PPARGC1A: variants seen among roughly 807,000 people sequenced by gnomAD.
PPARGC1A encodes the protein PPARG coactivator 1 alpha.
In PPARGC1A, 25 loss-of-function variants were observed where a neutral mutation model predicts 88.7. The ratio of observed to expected loss-of-function variants is 0.28; its 90% CI spans 0.21 to 0.39. PPARGC1A has a LOEUF of 0.39. Among genes scored for constraint, PPARGC1A ranks in the 10% least tolerant of loss-of-function variants. The pLI, the probability that PPARGC1A is intolerant of heterozygous loss-of-function variation, is 1.00. For synonymous variants in PPARGC1A, 363 were observed against 355.6 expected (o/e 1.02, Z -0.24); for missense variants, 880 against 968.7 (o/e 0.91, Z 1.22).
the PPARGC1A span, among the ~76,000 whole-genome samples, chr4:24,351,620 G>A: frequency 2.6e-5 from 4 of 151,864 alleles, no homozygotes; most frequent in Non-Finnish European, 2.9e-5. Flanking sequence ...CAAAAATAAG[G>A]CCAAATATAA....
the PPARGC1A span, among the ~76,000 whole-genome samples, chr4:24,109,671 T>C: frequency 6.6e-6 from 1 of 152,342 alleles, no homozygotes; most frequent in Admixed American, 6.5e-5. Flanking sequence ...GTTCAATTAT[T>C]GATCCCTACA....
At chr4:23,874,731 C>T (rs930848272) in intron 2 of PPARGC1A, among the ~76,000 whole-genome samples, 6 of 152,166 alleles carry the variant, frequency 3.9e-5, no homozygotes, top group Non-Finnish European at 7.3e-5. Context: ...TGATCAGGTG[C>T]CTGAGAACAG....
the PPARGC1A span, among the ~76,000 whole-genome samples, chr4:23,991,235 G>C: frequency 6.6e-6 from 1 of 152,046 alleles, no homozygotes; most frequent in Non-Finnish European, 1.5e-5. Flanking sequence ...TTGTGGTTTT[G>C]AGAAGGGATG....
chr4:23,967,289 G>A, the PPARGC1A span, among the ~76,000 whole-genome samples: 6 of 152,066 alleles, frequency 3.9e-5, no homozygotes, highest in African/African-American at 9.7e-5. Flanking sequence ...GAAAACCCAC[G>A]CCACCATGCG....
chr4:23,899,494 T>G (rs1262990516), upstream of PPARGC1A, among the ~76,000 whole-genome samples: 1 of 152,210 alleles, frequency 6.6e-6, no homozygotes, highest in Non-Finnish European at 1.5e-5. Context: ...ATTTAAATAT[T>G]AATTAATGTG....
chr4:23,987,147 A>C, the PPARGC1A span, among the ~76,000 whole-genome samples: 1 of 152,008 alleles, frequency 6.6e-6, no homozygotes, highest in Non-Finnish European at 1.5e-5. Flanking sequence ...CAGAAATATC[A>C]AGTCAAAGGC....
the PPARGC1A span, among the ~76,000 whole-genome samples, chr4:24,365,693 C>T: frequency 6.6e-6 from 1 of 152,084 alleles, no homozygotes; most frequent in Non-Finnish European, 1.5e-5. Flanking sequence ...CTCCAAAATG[C>T]CTTTTTTCCC....
At chr4:24,322,001 G>C in the PPARGC1A span, among the ~76,000 whole-genome samples, 1 of 152,186 alleles carries the variant, frequency 6.6e-6, no homozygotes, top group Non-Finnish European at 1.5e-5. Flanking sequence ...ATAGATCATG[G>C]ATTAATGGAG....
the PPARGC1A span, among the ~76,000 whole-genome samples, chr4:24,028,702 T>C: frequency 6.6e-6 from 1 of 152,140 alleles, no homozygotes; most frequent in African/African-American, 2.4e-5. Flanking sequence ...TCCTGCAACA[T>C]GGGGGAAATA....
chr4:23,875,543 C>G (rs1379703346), intron 2 of PPARGC1A, among the ~76,000 whole-genome samples: 20 of 151,736 alleles, frequency 1.3e-4, no homozygotes. Context: ...TTCTCAGGGA[C>G]CTTGGCGGCT....
chr4:23,806,501 G>A (rs1312016228), intron 10 of PPARGC1A, among the ~76,000 whole-genome samples: 1 of 152,178 alleles, frequency 6.6e-6, no homozygotes, highest in African/African-American at 2.4e-5. Context: ...AAGGCTTGGA[G>A]GAACTCTAAA....
the PPARGC1A span, among the ~76,000 whole-genome samples, chr4:24,300,714 A>T: frequency 6.6e-6 from 1 of 152,098 alleles, no homozygotes; most frequent in Non-Finnish European, 1.5e-5. Context: ...CAACGTACCC[A>T]GTTGATTTGA....
chr4:24,145,336 C>T, the PPARGC1A span, among the ~76,000 whole-genome samples: 4 of 152,144 alleles, frequency 2.6e-5, no homozygotes, highest in African/African-American at 9.7e-5. Flanking sequence ...CCTTGAGCTA[C>T]CCCTTTGTGG....
chr4:24,336,732 G>C, the PPARGC1A span, among the ~76,000 whole-genome samples: 1 of 151,940 alleles, frequency 6.6e-6, no homozygotes, highest in Non-Finnish European at 1.5e-5. Context: ...GTAGATAGCT[G>C]GCTTTTTGTT....
chr4:24,171,406 A>G, the PPARGC1A span, among the ~76,000 whole-genome samples: 3 of 150,010 alleles, frequency 2.0e-5, no homozygotes, highest in African/African-American at 7.3e-5. Flanking sequence ...CTCCATCTCA[A>G]AAAAAAAAAG....
the PPARGC1A span, among the ~76,000 whole-genome samples, chr4:24,187,105 T>C: frequency 1.3e-5 from 2 of 152,216 alleles, no homozygotes; most frequent in East Asian, 1.9e-4. Flanking sequence ...CCTTTGCCTA[T>C]GCACTTTAAG....
At chr4:24,355,154 A>C in the PPARGC1A span, among the ~76,000 whole-genome samples, 1 of 152,204 alleles carries the variant, frequency 6.6e-6, no homozygotes, top group East Asian at 1.9e-4. Flanking sequence ...CAACTAACTC[A>C]GAATTCACGA....
chr4:23,814,343 C>A lies in PPARGC1A; in HGVS notation c.1140G>T (p.Leu380=), dbSNP rs141841823. The change falls in exon 8 of 13, where the codon CTG becomes CTT. Residue 380 remains leucine, a synonymous_variant. Coordinates refer to ENST00000264867, the MANE Select transcript of PPARGC1A (RefSeq NM_013261.5). Reference sequence around the variant, plus strand: ...ACTGGCAATAGTCATGGTCACCAAACAGCCGCAGACTGGGCCGCTTGGTCT... The same window carrying A: ...ACTGGCAATAGTCATGGTCACCAAAAAGCCGCAGACTGGGCCGCTTGGTCT... ...ERKTKRPSLR[L]FGDHDYCQSI... The A allele has an allele frequency of 5.1e-5, 83 of 1,613,892 alleles. 1 individual carries two copies. In the Admixed American group the frequency reaches 1.3e-3, roughly 25 times the overall value.
chr4:24,043,354 C>G, the PPARGC1A span, among the ~76,000 whole-genome samples: 7 of 152,156 alleles, frequency 4.6e-5, no homozygotes, highest in Non-Finnish European at 8.8e-5. Flanking sequence ...TCTTCATGCC[C>G]TACTGAAAGA....
Sources: allele counts gnomAD v4.1 joint callset (sites outside exome capture counted in the v4.1 genomes callset), GRCh38; gene constraint gnomAD v4.1.1; transcripts MANE v1.5; gene names NCBI Gene and HGNC (gene_info 2026-07-23, HGNC 2026-07-21).